Variants in PRKCZ observed in about 807,000 individuals in gnomAD.
The protein encoded by PRKCZ is protein kinase C zeta.
In PRKCZ, 33 loss-of-function variants were observed where a neutral mutation model predicts 79.5. The ratio of observed to expected loss-of-function variants is 0.41; its 90% CI spans 0.31 to 0.55. The LOEUF is 0.55. Among genes scored for constraint, PRKCZ ranks in the 20% least tolerant of loss-of-function variants. The pLI is 0.19. For synonymous variants in PRKCZ, 342 were observed against 320.9 expected, an observed-to-expected ratio of 1.07 and a Z score of -0.70; for missense variants, 578 against 813.5, an observed-to-expected ratio of 0.71 and a Z score of 3.52.
At chr1:2,081,061 C>T (rs186145924) in intron 4 of PRKCZ, among the ~76,000 whole-genome samples, 4 of 152,304 alleles carry the variant, frequency 2.6e-5, no homozygotes, top group South Asian at 2.1e-4. Flanking sequence ...CACACCTGCC[C>T]GTGCCTCTTC....
At chr1:2,151,606 C>A (rs1318815122) in intron 9 of PRKCZ, among the ~76,000 whole-genome samples, 2 of 152,184 alleles carry the variant, frequency 1.3e-5, no homozygotes, top group African/African-American at 4.8e-5. Flanking sequence ...GCAGATCTTC[C>A]CACACCAGCT....
At chr1:2,089,875 G>C (rs1665184438) in intron 4 of PRKCZ, among the ~76,000 whole-genome samples, 1 of 151,680 alleles carries the variant, frequency 6.6e-6, no homozygotes, top group African/African-American at 2.4e-5. Context: ...ATGTAGCCAG[G>C]GCAACATAGC....
intron 4 of PRKCZ, among the ~76,000 whole-genome samples, chr1:2,087,443 C>T (rs1664718780): frequency 6.6e-6 from 1 of 152,180 alleles, no homozygotes; most frequent in Admixed American, 6.5e-5. Flanking sequence ...ACCGTGGCAA[C>T]AGCTGGCAGT....
chr1:2,133,017 C>T (rs1675305685), intron 4 of PRKCZ, among the ~76,000 whole-genome samples: 1 of 152,208 alleles, frequency 6.6e-6, no homozygotes, highest in Admixed American at 6.5e-5. Flanking sequence ...ACTGGGGACG[C>T]CGGGCTGTGT....
In PRKCZ at chr1:2,109,711, G is replaced by A. The variant is rs575570936; in HGVS notation, c.335-25551G>A. 4.6e-5 allele frequency among the ~76,000 whole-genome samples: 7 copies of A among 152,274 alleles called. No individual in the cohort carries two copies. In the South Asian group the frequency reaches 1.2e-3, roughly 27 times the overall value. ...GCGGTGCTAGGTCCACCTCATTTAC[G>A]GGGTCGGGCTCTCATTCTCCCCATT... On this transcript the variant is annotated intron_variant, in intron 4 of 17. Transcript: ENST00000378567.
chr1:2,074,343 G>T, intron 4 of PRKCZ: 1 of 1,542,536 alleles, frequency 6.5e-7, no homozygotes. Flanking sequence ...GGGGCTTGGG[G>T]AAATCGTCTT....
intron 4 of PRKCZ, among the ~76,000 whole-genome samples, chr1:2,114,722 C>T (rs889156499): frequency 2.2e-4 from 33 of 151,782 alleles, no homozygotes; most frequent in African/African-American, 6.3e-4. Context: ...GGCAGTGGGC[C>T]GAGATCGTGC....
At chr1:2,062,817 A>C (rs1660807384) in intron 4 of PRKCZ, among the ~76,000 whole-genome samples, 1 of 151,974 alleles carries the variant, frequency 6.6e-6, no homozygotes, top group African/African-American at 2.4e-5. Flanking sequence ...TTAAAGGTTC[A>C]ATTCACTGGT....
At chr1:2,131,203 C>G (rs958928481) in intron 4 of PRKCZ, among the ~76,000 whole-genome samples, 2 of 152,210 alleles carry the variant, frequency 1.3e-5, no homozygotes, top group African/African-American at 4.8e-5. Context: ...CACATGTGTC[C>G]TGCCTCAAGC....
rs201391648 is a variant in PRKCZ at position 2,135,276 on chromosome 1, C to A, written c.349C>A (p.Arg117=). 1.2e-6 allele frequency: 2 copies of A among 1,612,934 alleles called. No individual in the cohort carries two copies. The highest frequency in any genetic ancestry group is 1.7e-6 in the Non-Finnish European group (2 of 1,179,558). The change falls in exon 5 of 18, where the codon CGG becomes AGG. Residue 117 remains arginine (R), a synonymous_variant. Transcript: ENST00000378567. ...CPGEDKSIYR[R]GARRWRKLYR... is the part of the protein sequence containing the mutation. ...ATCCTTTCCAGAATCTATCTACCGC[C>A]GGGGAGCCAGAAGATGGAGGAAGCT...
intron 4 of PRKCZ, among the ~76,000 whole-genome samples, chr1:2,067,389 G>C (rs1266482353): frequency 1.3e-5 from 2 of 152,148 alleles, no homozygotes; most frequent in Admixed American, 1.3e-4. Context: ...CTGTCTGTCC[G>C]TTCCTCTGCT....
chr1:2,087,105 C>A (rs1664661114), intron 4 of PRKCZ, among the ~76,000 whole-genome samples: 2 of 152,016 alleles, frequency 1.3e-5, no homozygotes, highest in African/African-American at 4.8e-5. Flanking sequence ...TTTTTTGAGA[C>A]AGAATCTTGC....
intron 4 of PRKCZ, among the ~76,000 whole-genome samples, chr1:2,089,675 C>T (rs13303134): frequency 0.26 from 38,935 of 152,040 alleles, 7,799 homozygotes; most frequent in African/African-American, 0.56. Flanking sequence ...ACACCGTCGC[C>T]TGTGGGTGAG....
Position 2,082,276 on chromosome 1 carries a change from G to T in PRKCZ, c.334+22685G>T. On this transcript the variant is annotated intron_variant, in intron 4 of 17. Transcript: ENST00000378567. This position sits in a 1 kb window ranked among gnomAD's most constrained non-coding sequence, Gnocchi z 4.4. ...TGGCAAGAGGGAGGCTCCGTGGCAC[G>T]ATCACACGTGCAGGAGCTGGGGGCT... The T allele has an allele frequency of 2.3e-6, 1 of 425,650 alleles. No homozygotes were observed. The highest frequency in any genetic ancestry group is 4.7e-6 in the Non-Finnish European group (1 of 212,160). The allele number at this position is 425,650 out of a possible 1,614,324, so 26.4% of individuals were successfully genotyped here.
intron 4 of PRKCZ, among the ~76,000 whole-genome samples, chr1:2,079,727 T>C (rs1234291481): frequency 6.6e-6 from 1 of 152,212 alleles, no homozygotes; most frequent in Admixed American, 6.5e-5. Context: ...GTGTTTTCTT[T>C]GGCCTCGTAC....
At chr1:2,146,990 C>CCATCCATCTCGT (rs1678678635) in intron 7 of PRKCZ, among the ~76,000 whole-genome samples, 1 of 151,838 alleles carries the variant, frequency 6.6e-6, no homozygotes, top group Admixed American at 6.6e-5. Context: ...TATCCACGAT[C>CCATCCATCTCGT]CATCCATCTC....
intron 4 of PRKCZ, among the ~76,000 whole-genome samples, chr1:2,115,513 C>T (rs1670584724): frequency 6.6e-6 from 1 of 152,218 alleles, no homozygotes; most frequent in Admixed American, 6.5e-5. Flanking sequence ...CCTGTGTTTC[C>T]ATTCAGCTCT....
Position 2,173,892 on chromosome 1 carries a change from C to A in PRKCZ, c.1286-5C>A. ...ACTCGGTGATGGCTGTGTGCTCTCC[C>A]CCAGGGTTCAGCGTGGACTGGTGGG... is the stretch of plus-strand genomic sequence containing the variant. On this transcript the variant is annotated splice_region_variant and splice_polypyrimidine_tract_variant and intron_variant, in intron 13 of 17. Coordinates refer to ENST00000378567, the MANE Select transcript of PRKCZ (RefSeq NM_002744.6). The surrounding 1 kb of genome is among the most constrained non-coding windows in gnomAD (Gnocchi z 5.7). The A allele has an allele frequency of 1.9e-6, 3 of 1,600,692 alleles. No homozygotes were observed. The highest frequency in any genetic ancestry group is 1.7e-6 in the Non-Finnish European group (2 of 1,172,190).
At chr1:2,115,043 C>T (rs1187295875) in intron 4 of PRKCZ, among the ~76,000 whole-genome samples, 1 of 152,276 alleles carries the variant, frequency 6.6e-6, no homozygotes, top group African/African-American at 2.4e-5. Context: ...CGGGGCCACC[C>T]CCACACCCCG....
Sources: gnomAD v4.1 joint callset for allele counts (sites outside exome capture counted in the v4.1 genomes callset) on GRCh38, gnomAD v4.1.1 for gene constraint, Gnocchi (gnomAD v3.1) non-coding constraint, MANE v1.5 for transcripts, NCBI Gene and HGNC (gene_info 2026-07-23, HGNC 2026-07-21) for gene names.